The following C9orf43 variants were observed in gnomAD, a reference collection of about 807,000 sequenced individuals.
The protein encoded by C9orf43 is uncharacterized protein C9orf43.
A neutral mutation model predicts 59.1 loss-of-function variants in C9orf43; 45 were observed. The observed-to-expected ratio is 0.76, with a 90% CI of 0.60 to 0.98. The LOEUF (loss-of-function observed/expected upper bound fraction) is 0.98. Ranked by LOEUF, C9orf43 falls within the 50% of genes least tolerant of loss-of-function variation. The probability of loss-of-function intolerance (pLI) is 0.00; values close to 1 mark genes in which losing one functional copy is unlikely to be tolerated. For synonymous variants in C9orf43, 203 were observed against 196.8 expected (o/e 1.03, Z -0.26); for missense variants, 533 against 554.9 (o/e 0.96, Z 0.40).
Position 113,413,447 on chromosome 9 carries a change from C to A in C9orf43, c.-47C>A. The stretch of plus-strand genomic sequence containing the variant: ...TTATGTAGCTGTTGATTTTCCAGAG[C>A]ACTAGAATGCTGCAGGGTTGGCCTT... On this transcript the variant is annotated splice_region_variant and 5_prime_UTR_variant, in exon 2 of 14. Coordinates refer to ENST00000374165, the MANE Select transcript of C9orf43 (RefSeq NM_001278629.2). 1.3e-6 allele frequency: 2 copies of A among 1,585,806 alleles called. No individual in the cohort carries two copies. Among genetic ancestry groups the A allele is most frequent in the South Asian group, 1.1e-5 (1 of 88,708 alleles).
At chr9:113,417,085 GC>G (rs1394035207) in intron 3 of C9orf43, among the ~76,000 whole-genome samples, 1 of 152,004 alleles carries the variant, frequency 6.6e-6, no homozygotes, top group Non-Finnish European at 1.5e-5. Flanking sequence ...TTTGTTTGCC[GC>G]CTCTCATGAG....
chr9:113,415,327 A>G lies in C9orf43; in HGVS notation c.287+1433A>G, dbSNP rs111479779. ...CCCGGCTAATTTTTGGATTTTTTGT[A>G]TAGACAGGTTTTCGCCATGTTTGCC... On this transcript the variant is annotated intron_variant, in intron 3 of 13. Coordinates refer to ENST00000374165, the MANE Select transcript of C9orf43 (RefSeq NM_001278629.2). 3.4e-3 allele frequency among the ~76,000 whole-genome samples: 512 copies of G among 151,562 alleles called. 3 individuals carry two copies. Among genetic ancestry groups the G allele is most frequent in the African/African-American group, 0.012 (488 of 41,242 alleles).
In C9orf43 at chr9:113,410,850, CT is replaced by C. The variant is rs1304376074; in HGVS notation, c.-200del. The C allele has an allele frequency of 1.3e-6, 1 of 746,134 alleles. No homozygotes were observed. The highest frequency in any genetic ancestry group is 1.6e-6 in the Non-Finnish European group (1 of 609,950). 46.2% of individuals were successfully genotyped at this position (746,134 alleles called of 1,614,324 possible). A position where few individuals can be genotyped will look rare whatever the true frequency, so the allele number is the denominator to read the frequency against. The stretch of plus-strand genomic sequence containing the variant: ...TTAGCAACCCTAAGCGGTTTGGAAT[CT>C]GCTTTGCTCTCACAGGACCTCAGCC... On this transcript the variant is annotated 5_prime_UTR_variant, in exon 1 of 14. Transcript: ENST00000374165.
At chr9:113,426,249 C>T (rs971179422) in intron 11 of C9orf43, among the ~76,000 whole-genome samples, 2 of 152,144 alleles carry the variant, frequency 1.3e-5, no homozygotes, top group African/African-American at 4.8e-5. Flanking sequence ...AGTCAGGGAG[C>T]CAACTCTTGT....
At chr9:113,414,377 C>T (rs548519616) in intron 3 of C9orf43, among the ~76,000 whole-genome samples, 7 of 152,080 alleles carry the variant, frequency 4.6e-5, no homozygotes, top group African/African-American at 1.2e-4. Context: ...TGGGCTCAAG[C>T]GATCCTCCCA....
At chr9:113,428,319 A>G (rs1023889983) in intron 12 of C9orf43, 96 bp downstream of exon 12, 1 of 1,176,568 alleles carries the variant, frequency 8.5e-7, no homozygotes, top group African/African-American at 1.5e-5. Flanking sequence ...TGCTATTGCT[A>G]ATGATTCTGT....
At chr9:113,423,551 G>T (rs1251366871) in intron 7 of C9orf43, 53 bp downstream of exon 7, 3 of 1,553,584 alleles carry the variant, frequency 1.9e-6, no homozygotes, top group Non-Finnish European at 1.8e-6. Flanking sequence ...TTTTACTGAA[G>T]CTGGGATGGG....
chr9:113,416,882 G>T (rs758292124), intron 3 of C9orf43, among the ~76,000 whole-genome samples: 6 of 152,068 alleles, frequency 3.9e-5, no homozygotes, highest in Non-Finnish European at 7.4e-5. Flanking sequence ...GGGCAAAATT[G>T]CCCCCTTGTT....
Position 113,429,417 on chromosome 9 carries a change from C to T in C9orf43, c.*31C>T. 6.3e-7 allele frequency: 1 copy of T among 1,595,212 alleles called. No homozygotes were observed. On this transcript the variant is annotated 3_prime_UTR_variant, in exon 14 of 14. Transcript: ENST00000374165. ...CTCTGGAGGAATAGACTGAAGGCAT[C>T]CCCTGGGGCAGCCGTGTTCCAAAGC... is the stretch of plus-strand genomic sequence containing the variant.
At chr9:113,425,620 G>C (rs1204273922) in intron 10 of C9orf43, 23 bp from the exon 11 acceptor site, 1 of 1,602,170 alleles carries the variant, frequency 6.2e-7, no homozygotes, top group Admixed American at 1.7e-5. Context: ...ATCCTAATTT[G>C]TTCCTCCTGA....
Position 113,425,028 on chromosome 9 carries a change from C to T in C9orf43, c.817C>T (p.Leu273=), listed in dbSNP as rs1372182083. The T allele has an allele frequency of 2.5e-6, 4 of 1,612,000 alleles. No homozygotes were observed. The highest frequency in any genetic ancestry group is 2.7e-5 in the African/African-American group (2 of 74,912). The stretch of plus-strand genomic sequence containing the variant: ...TTTTTTCTTTCTCCAGAGACCAGCA[C>T]TGCGATATCCTGAACGTTTGAAGAA... The part of the protein sequence containing the change: ...IHRLTLERPA[L]RYPERLKKLH... Residue 273 remains leucine (L), a synonymous_variant, in exon 9 of 14, where the codon CTG becomes TTG. Transcript: ENST00000374165.
At chr9:113,428,246 G>T in intron 12 of C9orf43, 23 bp downstream of exon 12, 1 of 1,606,514 alleles carries the variant, frequency 6.2e-7, no homozygotes, top group South Asian at 1.1e-5. Flanking sequence ...CAAGGCCTCT[G>T]CTAGGACCCA....
At position 113,421,193 on chromosome 9, in the gene C9orf43, A is replaced by G. The variant is rs1828554352; in HGVS notation, c.436A>G (p.Ile146Val). ...VVLWIPEETE[I>V]HVSQHGKKKR... ...ATTGTGGATCCCAGAAGAAACAGAG[A>G]TACATGTGAGGTGAGTATCATATCT... The change falls in exon 5 of 14, where the codon ATA becomes GTA. Residue 146 changes from isoleucine to valine, a missense_variant. Coordinates refer to ENST00000374165, the MANE Select transcript of C9orf43 (RefSeq NM_001278629.2). The G allele has an allele frequency of 1.9e-6, 3 of 1,609,296 alleles. No individual in the cohort carries two copies. The highest frequency in any genetic ancestry group is 2.2e-5 in the East Asian group (1 of 44,854).
At chr9:113,421,740 C>T (rs1375324979) in intron 5 of C9orf43, among the ~76,000 whole-genome samples, 1 of 152,124 alleles carries the variant, frequency 6.6e-6, no homozygotes, top group Non-Finnish European at 1.5e-5. Context: ...TCTTAAGTGA[C>T]ATTTAGAGAT....
In C9orf43 at chr9:113,422,984, C is replaced by T. The variant is rs548654951; in HGVS notation, c.484-342C>T. Among the ~76,000 whole-genome samples the T allele has an allele frequency of 2.6e-5, 4 of 152,292 alleles. No individual in the cohort carries two copies. In the South Asian group the frequency reaches 6.2e-4, roughly 24 times the overall value. ...ATAAGTCACTGTAAGACTGCTATGT[C>T]CATGAGAGTAGTGTCTTGGTTCATT... On this transcript the variant is annotated intron_variant, in intron 6 of 13. Coordinates refer to ENST00000374165, the MANE Select transcript of C9orf43 (RefSeq NM_001278629.2).
Position 113,413,467 on chromosome 9 carries a change from G to C in C9orf43, c.-27G>C. On this transcript the variant is annotated 5_prime_UTR_variant, in exon 2 of 14. Coordinates refer to ENST00000374165, the MANE Select transcript of C9orf43 (RefSeq NM_001278629.2). The stretch of plus-strand genomic sequence containing the variant: ...CAGAGCACTAGAATGCTGCAGGGTT[G>C]GCCTTTGGCCTAAACCATTTCTAGC... The C allele has an allele frequency of 6.2e-7, 1 of 1,600,732 alleles. No homozygotes were observed. The highest frequency in any genetic ancestry group is 2.2e-5 in the East Asian group (1 of 44,482).
At position 113,419,138 on chromosome 9, in the gene C9orf43, G is replaced by T; in HGVS notation, c.318G>T (p.Leu106Phe). The T allele has an allele frequency of 6.2e-7, 1 of 1,609,994 alleles. No individual in the cohort carries two copies. Among genetic ancestry groups the T allele is most frequent in the African/African-American group, 1.3e-5 (1 of 74,960 alleles). ...CGAAGGGTTTACCTGACAAAAGTTT[G>T]ATCAACTGTACTAACAGACTTCCCA... ...RPPKGLPDKS[L>F]INCTNRLPKF... Residue 106 changes from leucine (L) to phenylalanine (F), a missense_variant, in exon 4 of 14, where the codon TTG (leucine) becomes TTT (phenylalanine). Leu to Phe is a conservative substitution (Grantham distance 22, BLOSUM62 0). Coordinates refer to ENST00000374165, the MANE Select transcript of C9orf43 (RefSeq NM_001278629.2).
At chr9:113,411,870 G>A in intron 1 of C9orf43, among the ~76,000 whole-genome samples, 1 of 152,128 alleles carries the variant, frequency 6.6e-6, no homozygotes, top group East Asian at 1.9e-4. Context: ...TAGAGACAGG[G>A]TTTCACCATG....
intron 3 of C9orf43, 99 bp from the exon 4 acceptor site, chr9:113,419,009 T>G: frequency 1.0e-6 from 1 of 981,132 alleles, no homozygotes; most frequent in Non-Finnish European, 1.5e-6. Flanking sequence ...AAGCCCAAGG[T>G]TTTCTGTAGA....
Sources: allele counts gnomAD v4.1 joint callset (sites outside exome capture counted in the v4.1 genomes callset), GRCh38; gene constraint gnomAD v4.1.1; transcripts MANE v1.5; gene names NCBI Gene and HGNC (gene_info 2026-07-23, HGNC 2026-07-21).